The following GALNT13 variants were observed in gnomAD, a reference collection of about 807,000 sequenced individuals.
The protein encoded by GALNT13 is polypeptide N-acetylgalactosaminyltransferase 13.
Under a neutral mutation model 64.2 loss-of-function variants are expected in GALNT13, and 28 were observed. The ratio of observed to expected loss-of-function variants is 0.44; its 90% confidence interval spans 0.32 to 0.60. The LOEUF is 0.60. Among genes scored for constraint, GALNT13 ranks in the 20% least tolerant of loss-of-function variants. The pLI, the probability that GALNT13 is intolerant of heterozygous loss-of-function variation, is 0.05. For missense variants in GALNT13, 577 were observed against 669.8 expected (o/e 0.86, Z 1.53); for synonymous variants, 214 against 224.6 (o/e 0.95, Z 0.42).
the GALNT13 span, among the ~76,000 whole-genome samples, chr2:153,568,601 A>G: frequency 6.6e-6 from 1 of 152,138 alleles, no homozygotes; most frequent in Non-Finnish European, 1.5e-5. Flanking sequence ...TAATATACTC[A>G]TTTTATAGAT....
chr2:154,094,190 C>T (rs1021909154), intron 3 of GALNT13, among the ~76,000 whole-genome samples: 4 of 151,900 alleles, frequency 2.6e-5, no homozygotes, highest in African/African-American at 7.2e-5. Context: ...GCCAACTGGA[C>T]AAGGTCCTAT....
chr2:153,080,478 G>C, the GALNT13 span, among the ~76,000 whole-genome samples: 1 of 151,958 alleles, frequency 6.6e-6, no homozygotes, highest in East Asian at 1.9e-4. Flanking sequence ...CTCTTTTTGT[G>C]TTAACATTTT....
intron 3 of GALNT13, among the ~76,000 whole-genome samples, chr2:153,945,064 T>A (rs1299301540): frequency 6.6e-6 from 1 of 152,180 alleles, no homozygotes; most frequent in Non-Finnish European, 1.5e-5. Flanking sequence ...ATGACACCGC[T>A]AAAGACTTCC....
At chr2:153,510,914 G>A in the GALNT13 span, among the ~76,000 whole-genome samples, 2 of 151,814 alleles carry the variant, frequency 1.3e-5, no homozygotes, top group Admixed American at 1.3e-4. Flanking sequence ...GGAGAGAGTG[G>A]GCCACTCTGT....
intron 7 of GALNT13, among the ~76,000 whole-genome samples, chr2:154,249,444 C>T (rs900485736): frequency 6.6e-6 from 1 of 152,184 alleles, no homozygotes; most frequent in East Asian, 1.9e-4. Flanking sequence ...TAGAAAGGAG[C>T]CTGGCTTAAG....
At chr2:154,119,743 G>A (rs1212651264) in intron 3 of GALNT13, among the ~76,000 whole-genome samples, 2 of 152,056 alleles carry the variant, frequency 1.3e-5, no homozygotes, top group African/African-American at 2.4e-5. Flanking sequence ...CAGTTCTGGT[G>A]TATTTTTTAT....
the GALNT13 span, among the ~76,000 whole-genome samples, chr2:153,373,132 T>TGTGTG: frequency 6.7e-6 from 1 of 148,738 alleles, no homozygotes; most frequent in Non-Finnish European, 1.5e-5. Context: ...TTCTGTTGCT[T>TGTGTG]TGTGTGTGTG....
At chr2:154,383,026 C>CT (rs1275873131) in intron 9 of GALNT13, among the ~76,000 whole-genome samples, 2 of 151,850 alleles carry the variant, frequency 1.3e-5, no homozygotes, top group Non-Finnish European at 2.9e-5. Flanking sequence ...AATGATACCT[C>CT]TAAGAGTGCG....
the GALNT13 span, among the ~76,000 whole-genome samples, chr2:153,782,982 T>C: frequency 6.6e-6 from 1 of 152,068 alleles, no homozygotes; most frequent in African/African-American, 2.4e-5. Context: ...AGTTGAACCT[T>C]TGGAAATGGT....
At chr2:153,418,656 G>A in the GALNT13 span, among the ~76,000 whole-genome samples, 1 of 152,148 alleles carries the variant, frequency 6.6e-6, no homozygotes, top group Non-Finnish European at 1.5e-5. Flanking sequence ...AGAAGATTTG[G>A]TAGATGGACT....
At chr2:153,608,135 A>G in the GALNT13 span, among the ~76,000 whole-genome samples, 2 of 151,862 alleles carry the variant, frequency 1.3e-5, no homozygotes, top group East Asian at 1.9e-4. Flanking sequence ...AGCCTTCCAG[A>G]TTGTTCTTTG....
intron 10 of GALNT13, among the ~76,000 whole-genome samples, chr2:154,406,801 T>G (rs1699565306): frequency 6.6e-6 from 1 of 152,188 alleles, no homozygotes; most frequent in African/African-American, 2.4e-5. Flanking sequence ...TTTATTTTGT[T>G]CCTTTCTGTC....
the GALNT13 span, among the ~76,000 whole-genome samples, chr2:153,187,122 T>C: frequency 1.3e-5 from 2 of 152,238 alleles, no homozygotes; most frequent in South Asian, 2.1e-4. Context: ...CTGACCTAGA[T>C]AGCTTCACTG....
At chr2:153,088,581 G>C in the GALNT13 span, among the ~76,000 whole-genome samples, 1 of 152,026 alleles carries the variant, frequency 6.6e-6, no homozygotes. Flanking sequence ...CACTATTATC[G>C]TGTTGTCACC....
At chr2:153,703,791 G>A in the GALNT13 span, among the ~76,000 whole-genome samples, 2 of 152,260 alleles carry the variant, frequency 1.3e-5, no homozygotes, top group Admixed American at 6.5e-5. Context: ...ATAGATAGCA[G>A]AATATGCTCT....
chr2:153,923,001 G>A, intron 2 of GALNT13, among the ~76,000 whole-genome samples: 1 of 152,102 alleles, frequency 6.6e-6, no homozygotes, highest in East Asian at 1.9e-4. Context: ...CCGGGTTCAA[G>A]CAATTCTCCT....
the GALNT13 span, among the ~76,000 whole-genome samples, chr2:153,108,981 T>C: frequency 6.6e-6 from 1 of 152,158 alleles, no homozygotes; most frequent in East Asian, 1.9e-4. Context: ...GGAGCCTCAA[T>C]TGAAGCCAGA....
intron 11 of GALNT13, among the ~76,000 whole-genome samples, chr2:154,424,431 G>A (rs986824852): frequency 3.3e-5 from 5 of 152,112 alleles, no homozygotes; most frequent in African/African-American, 1.2e-4. Flanking sequence ...TATTTTAAAT[G>A]ACCACTGTCT....
At chr2:153,771,794 A>G in the GALNT13 span, among the ~76,000 whole-genome samples, 1 of 152,106 alleles carries the variant, frequency 6.6e-6, no homozygotes, top group African/African-American at 2.4e-5. Flanking sequence ...TTACTAATCC[A>G]AGTGAGTGGG....
Sources: allele counts gnomAD v4.1 joint callset (sites outside exome capture counted in the v4.1 genomes callset), GRCh38; gene constraint gnomAD v4.1.1; transcripts MANE v1.5; gene names NCBI Gene and HGNC (gene_info 2026-07-23, HGNC 2026-07-21).